NRXN1: variants seen among roughly 807,000 people sequenced by gnomAD.
NRXN1 encodes neurexin-1.
Under a neutral mutation model 150.9 loss-of-function variants are expected in NRXN1, and 39 were observed. That is an observed-to-expected ratio of 0.26 (90% CI 0.20 to 0.34). NRXN1 has a LOEUF of 0.34. Ranked by LOEUF, NRXN1 falls within the 10% of genes least tolerant of loss-of-function variation. The pLI is 1.00. For missense variants in NRXN1, 1,815 were observed against 1,949.9 expected (o/e 0.93, Z 1.30); for synonymous variants, 924 against 757.0 (o/e 1.22, Z -3.62).
chr2:49,988,762 G>C (rs1363027), intron 21 of NRXN1, among the ~76,000 whole-genome samples: 72,048 of 151,906 alleles, frequency 0.47, 17,656 homozygotes, highest in Middle Eastern at 0.61. Context: ...AACTGTAAAG[G>C]ATATATGTCT....
Position 50,497,355 on chromosome 2 carries a change from T to C in NRXN1, c.2857A>G (p.Ile953Val), listed in dbSNP as rs1256140655. Residue 953 changes from isoleucine to valine, a missense_variant, in exon 14 of 23, where the codon ATT (isoleucine) becomes GTT (valine). Ile to Val is a conservative substitution (Grantham distance 29). Transcript: ENST00000401669. ...CACCCTTTAACTAATTCAACCACAA[T>C]AAAGTCATTTCCATCCCCACTGTTA... is the stretch of plus-strand genomic sequence containing the variant. ...LYNSGDGNDF[I>V]VVELVKGYLH... 1.3e-6 allele frequency: 2 copies of C among 1,544,940 alleles called. No homozygotes were observed. The highest frequency in any genetic ancestry group is 1.7e-6 in the Non-Finnish European group (2 of 1,145,620).
At chr2:50,790,165 A>AC (rs1273853192) in intron 5 of NRXN1, among the ~76,000 whole-genome samples, 2 of 151,840 alleles carry the variant, frequency 1.3e-5, no homozygotes, top group Non-Finnish European at 2.9e-5. Context: ...ACACACACAA[A>AC]CAGGGTCTAC....
At chr2:50,191,341 T>C (rs180686680) in intron 18 of NRXN1, among the ~76,000 whole-genome samples, 10 of 152,180 alleles carry the variant, frequency 6.6e-5, no homozygotes, top group African/African-American at 2.4e-4. Flanking sequence ...TGACCGGCAA[T>C]TTCTTACAAT....
At chr2:50,130,157 CTTG>C (rs1705263289) in intron 18 of NRXN1, among the ~76,000 whole-genome samples, 1 of 152,138 alleles carries the variant, frequency 6.6e-6, no homozygotes, top group Admixed American at 6.5e-5. Context: ...CCTCCCTAGT[CTTG>C]TTCTGATGTG....
intron 21 of NRXN1, among the ~76,000 whole-genome samples, chr2:49,998,036 C>T (rs907288222): frequency 6.6e-6 from 1 of 152,120 alleles, no homozygotes; most frequent in African/African-American, 2.4e-5. Context: ...AGTGGGATGA[C>T]CTTTCCCAAC....
intron 8 of NRXN1, among the ~76,000 whole-genome samples, chr2:50,585,424 T>C (rs546731588): frequency 4.6e-5 from 7 of 152,116 alleles, no homozygotes; most frequent in East Asian, 1.9e-4. Context: ...TTTTGCAAGA[T>C]GAAAAAGTTT....
intron 18 of NRXN1, among the ~76,000 whole-genome samples, chr2:50,207,116 G>A (rs1416562026): frequency 1.3e-5 from 2 of 152,012 alleles, no homozygotes; most frequent in Non-Finnish European, 2.9e-5. Context: ...GGGACTTACC[G>A]ATGGGGTATA....
chr2:50,948,920 T>A (rs1389262641), intron 2 of NRXN1, among the ~76,000 whole-genome samples: 1 of 152,004 alleles, frequency 6.6e-6, no homozygotes, highest in Non-Finnish European at 1.5e-5. Context: ...TTTCCATGAA[T>A]TCAATATGGC....
At chr2:50,344,127 A>C (rs78432435) in intron 17 of NRXN1, among the ~76,000 whole-genome samples, 3,299 of 152,164 alleles carry the variant, frequency 0.022, 126 homozygotes, top group African/African-American at 0.076. Context: ...CAACAAATTC[A>C]ACATCACCTC....
chr2:50,686,149 GAAAC>G (rs1305127231), intron 5 of NRXN1, among the ~76,000 whole-genome samples: 3 of 151,858 alleles, frequency 2.0e-5, no homozygotes, highest in Admixed American at 6.6e-5. Context: ...AACAAACAAA[GAAAC>G]AAACAAACAA....
rs868253747 is a variant in NRXN1 at position 50,898,941 on chromosome 2, G to A, written c.832+22928C>T. On this transcript the variant is annotated intron_variant, in intron 5 of 22. Transcript: ENST00000401669. ...GGAAAGCAAATTCAGGATTCTTGCC[G>A]ACAGATTAAAAATTATTTCCTAATA... Among the ~76,000 whole-genome samples the A allele has an allele frequency of 5.3e-5, 8 of 151,052 alleles. No homozygotes were observed. In the Middle Eastern group the frequency reaches 0.017, roughly 321 times the overall value.
At chr2:50,186,124 T>C (rs1251863366) in intron 18 of NRXN1, among the ~76,000 whole-genome samples, 1 of 152,066 alleles carries the variant, frequency 6.6e-6, no homozygotes, top group African/African-American at 2.4e-5. Context: ...TTTCCATGAT[T>C]TGAATGGGCC....
At chr2:50,193,074 C>G (rs950326850) in intron 18 of NRXN1, among the ~76,000 whole-genome samples, 4 of 152,270 alleles carry the variant, frequency 2.6e-5, no homozygotes, top group Middle Eastern at 3.4e-3. Context: ...CCTTTTACTA[C>G]AGGGTCAATA....
chr2:50,525,857 G>C (rs1573401074), intron 12 of NRXN1, among the ~76,000 whole-genome samples: 1 of 152,144 alleles, frequency 6.6e-6, no homozygotes, highest in African/African-American at 2.4e-5. Context: ...ATAATACTTG[G>C]AATTCAGATC....
intron 13 of NRXN1, among the ~76,000 whole-genome samples, chr2:50,499,384 G>T (rs1234330483): frequency 6.6e-6 from 1 of 151,958 alleles, no homozygotes; most frequent in East Asian, 1.9e-4. Context: ...ATAAATAATT[G>T]TTTCGTCTCT....
Position 49,921,790 on chromosome 2 carries a change from CTTG to C in NRXN1, c.*151_*153del, listed in dbSNP as rs1035944039. 8 of 783,620 alleles carry C rather than the reference CTTG, an allele frequency of 1.0e-5. No individual in the cohort carries two copies. In the African/African-American group the frequency reaches 1.4e-4, roughly 14 times the overall value. The allele number at this position is 783,620 out of a possible 1,614,324, so 48.5% of individuals were successfully genotyped here. A position where few individuals can be genotyped will look rare whatever the true frequency, so the allele number is the denominator to read the frequency against. ...TTTTGAGAAACAAGAGCATGAGATA[CTTG>C]TTTTTATTTTTTAAAAAGTCTTTCC... On this transcript the variant is annotated 3_prime_UTR_variant, in exon 23 of 23. Coordinates refer to ENST00000401669, the MANE Select transcript of NRXN1 (RefSeq NM_001330078.2).
chr2:50,783,421 C>T (rs987482944), intron 5 of NRXN1, among the ~76,000 whole-genome samples: 5 of 152,090 alleles, frequency 3.3e-5, no homozygotes, highest in African/African-American at 9.7e-5. Flanking sequence ...CTTAAGCTCT[C>T]GGTCTGTGAC....
Position 50,054,940 on chromosome 2 carries a change from A to G in NRXN1, c.3808+15T>C, listed in dbSNP as rs1480704433. 6.7e-7 allele frequency: 1 copy of G among 1,497,782 alleles called. No individual in the cohort carries two copies. Among genetic ancestry groups the G allele is most frequent in the Non-Finnish European group, 9.0e-7 (1 of 1,111,728 alleles). 92.8% of individuals were successfully genotyped at this position (1,497,782 alleles called of 1,614,324 possible). A position where few individuals can be genotyped will look rare whatever the true frequency, so the allele number is the denominator to read the frequency against. Reference sequence around the variant, plus strand: ...AATTATTTTTTTATTTGAAGTTTTAATCAATGTTTTTTACCTTTGTCGAGT... The same window carrying G: ...AATTATTTTTTTATTTGAAGTTTTAGTCAATGTTTTTTACCTTTGTCGAGT... On this transcript the variant is annotated intron_variant, in intron 20 of 22. Transcript: ENST00000401669.
chr2:49,928,706 A>G (rs144707464), intron 22 of NRXN1, among the ~76,000 whole-genome samples: 4 of 152,276 alleles, frequency 2.6e-5, no homozygotes, highest in African/African-American at 4.8e-5. Flanking sequence ...TTATGATGCA[A>G]TCATTCACAA....
Sources: allele counts gnomAD v4.1 joint callset (sites outside exome capture counted in the v4.1 genomes callset), GRCh38; gene constraint gnomAD v4.1.1; transcripts MANE v1.5; gene names NCBI Gene and HGNC (gene_info 2026-07-23, HGNC 2026-07-21).